Variants in GABRG3 observed in about 807,000 individuals in gnomAD.
GABRG3 encodes the protein gamma-aminobutyric acid receptor subunit gamma-3.
In GABRG3, 25 loss-of-function variants were observed where a neutral mutation model predicts 48.8. The ratio of observed to expected loss-of-function variants is 0.51; its 90% CI spans 0.37 to 0.72. The LOEUF (loss-of-function observed/expected upper bound fraction) is 0.72. GABRG3 is among the 30% of genes least tolerant of loss of function. The probability of loss-of-function intolerance (pLI) is 0.00; values close to 1 mark genes in which losing one functional copy is unlikely to be tolerated. For missense variants in GABRG3, 394 were observed against 577.9 expected (o/e 0.68, Z 3.26); for synonymous variants, 227 against 217.6 (o/e 1.04, Z -0.38).
chr15:27,287,975 G>C (rs969304479), intron 3 of GABRG3, among the ~76,000 whole-genome samples: 1 of 152,128 alleles, frequency 6.6e-6, no homozygotes, highest in Non-Finnish European at 1.5e-5. Context: ...CTGACCTCGT[G>C]ATCTGCCTGC....
chr15:27,116,565 AAGG>A (rs1251981878), intron 3 of GABRG3, among the ~76,000 whole-genome samples: 1 of 152,210 alleles, frequency 6.6e-6, no homozygotes, highest in African/African-American at 2.4e-5. Context: ...TAAGAAAAAG[AAGG>A]AGAAGAAAAG....
intron 7 of GABRG3, among the ~76,000 whole-genome samples, chr15:27,522,903 T>C (rs1269959984): frequency 6.6e-6 from 1 of 151,902 alleles, no homozygotes; most frequent in Non-Finnish European, 1.5e-5. Context: ...CAAGCACATT[T>C]GTCCACTTAT....
intron 5 of GABRG3, among the ~76,000 whole-genome samples, chr15:27,462,351 A>C (rs1467441663): frequency 6.6e-6 from 1 of 152,220 alleles, no homozygotes; most frequent in African/African-American, 2.4e-5. Context: ...AACTGACTAA[A>C]ATGGAAACAG....
intron 6 of GABRG3, among the ~76,000 whole-genome samples, chr15:27,507,584 A>G (rs1255605011): frequency 1.3e-5 from 2 of 152,102 alleles, no homozygotes; most frequent in South Asian, 2.1e-4. Flanking sequence ...AATATGTTCT[A>G]TTTTGCCGAA....
At chr15:27,330,389 T>G (rs1276280410) in intron 5 of GABRG3, among the ~76,000 whole-genome samples, 1 of 152,256 alleles carries the variant, frequency 6.6e-6, no homozygotes, top group African/African-American at 2.4e-5. Flanking sequence ...TCATCGCTTA[T>G]TTTACTTTTG....
chr15:27,387,928 GA>G (rs1895986490), intron 5 of GABRG3, among the ~76,000 whole-genome samples: 1 of 65,260 alleles, frequency 1.5e-5, no homozygotes, highest in Non-Finnish European at 3.3e-5. Context: ...AGGAGGGAGG[GA>G]GGGAGGGAAG....
intron 3 of GABRG3, among the ~76,000 whole-genome samples, chr15:27,176,832 C>T (rs897566461): frequency 3.3e-5 from 5 of 152,106 alleles, no homozygotes; most frequent in Admixed American, 2.6e-4. Flanking sequence ...TGGGGATGGG[C>T]AGCCCAGCTA....
Position 27,519,968 on chromosome 15 carries a change from A to G in GABRG3, c.713-4A>G, listed in dbSNP as rs1891119589. 5.3e-6 allele frequency: 8 copies of G among 1,504,826 alleles called. No individual in the cohort carries two copies. The East Asian group carries it at 1.9e-4, about 36-fold the overall frequency. 93.2% of individuals were successfully genotyped at this position (1,504,826 alleles called of 1,614,324 possible). A position where few individuals can be genotyped will look rare whatever the true frequency, so the allele number is the denominator to read the frequency against. On this transcript the variant is annotated splice_polypyrimidine_tract_variant and splice_region_variant and intron_variant, in intron 6 of 9. Coordinates refer to ENST00000615808, the MANE Select transcript of GABRG3 (RefSeq NM_033223.5). ...GTCTTAATTTTGACAATATTTTATTACAGGTGATTATGTTGTCATGACTAT... is the reference window on the plus strand; with the variant it reads ...GTCTTAATTTTGACAATATTTTATTGCAGGTGATTATGTTGTCATGACTAT...
At chr15:27,166,691 C>T (rs1361058587) in intron 3 of GABRG3, among the ~76,000 whole-genome samples, 1 of 152,138 alleles carries the variant, frequency 6.6e-6, no homozygotes, top group Non-Finnish European at 1.5e-5. Context: ...AAGCAAACAG[C>T]TCCTGCTGTT....
intron 2 of GABRG3, among the ~76,000 whole-genome samples, chr15:27,016,240 CTT>C (rs34202673): frequency 7.8e-5 from 11 of 140,676 alleles, no homozygotes; most frequent in Non-Finnish European, 7.7e-5. Flanking sequence ...TTCTTTCTTT[CTT>C]TTTTTTTTTT....
At chr15:27,518,058 A>T (rs1300850144) in intron 6 of GABRG3, among the ~76,000 whole-genome samples, 1 of 152,050 alleles carries the variant, frequency 6.6e-6, no homozygotes, top group African/African-American at 2.4e-5. Flanking sequence ...TTAAGTAAAA[A>T]TGGGACTTTG....
chr15:27,513,569 G>A (rs762981681), intron 6 of GABRG3, among the ~76,000 whole-genome samples: 2 of 152,120 alleles, frequency 1.3e-5, no homozygotes, highest in Non-Finnish European at 2.9e-5. Context: ...AATGCACTCA[G>A]TGAATAGTAA....
intron 5 of GABRG3, among the ~76,000 whole-genome samples, chr15:27,459,664 T>A (rs1429980498): frequency 6.6e-6 from 1 of 152,080 alleles, no homozygotes; most frequent in East Asian, 1.9e-4. Context: ...TATAAAAAAA[T>A]ATAATTAGCA....
chr15:27,305,674 T>C (rs35810519), intron 3 of GABRG3, among the ~76,000 whole-genome samples: 39,255 of 92,904 alleles, frequency 0.42, 10,509 homozygotes, highest in Non-Finnish European at 0.58. Context: ...TATAAACCTA[T>C]ATGTTTATAT....
At chr15:27,464,517 C>T (rs1889544147) in intron 5 of GABRG3, among the ~76,000 whole-genome samples, 1 of 152,166 alleles carries the variant, frequency 6.6e-6, no homozygotes, top group Admixed American at 6.5e-5. Flanking sequence ...GGTAACTCTG[C>T]ATTTAATATT....
intron 5 of GABRG3, among the ~76,000 whole-genome samples, chr15:27,355,742 G>A (rs1894814817): frequency 6.6e-6 from 1 of 152,174 alleles, no homozygotes; most frequent in Non-Finnish European, 1.5e-5. Context: ...GCTAATGAAT[G>A]GGTAAATAGA....
intron 5 of GABRG3, among the ~76,000 whole-genome samples, chr15:27,473,076 T>C: frequency 6.6e-6 from 1 of 152,220 alleles, no homozygotes; most frequent in Non-Finnish European, 1.5e-5. Flanking sequence ...AAGAATGCTT[T>C]TCTTGTGCAT....
chr15:27,418,844 A>G (rs1208196757), intron 5 of GABRG3: 1 of 150,836 alleles, frequency 6.6e-6, no homozygotes, highest in East Asian at 1.9e-4. Context: ...GCCTTTTTAA[A>G]AAAAATAAAA....
chr15:27,202,571 A>T (rs1290544544), intron 3 of GABRG3, among the ~76,000 whole-genome samples: 2 of 152,102 alleles, frequency 1.3e-5, no homozygotes, highest in African/African-American at 4.8e-5. Flanking sequence ...CTACATCTTC[A>T]CCAGAAATTG....
Sources: gnomAD v4.1 joint callset for allele counts (sites outside exome capture counted in the v4.1 genomes callset) on GRCh38, gnomAD v4.1.1 for gene constraint, MANE v1.5 for transcripts, NCBI Gene and HGNC (gene_info 2026-07-23, HGNC 2026-07-21) for gene names.